The following CALN1 variants were observed in gnomAD, a reference collection of about 807,000 sequenced individuals.
CALN1 encodes calneuron 1.
Under a neutral mutation model 30.6 loss-of-function variants are expected in CALN1, and 17 were observed. The observed-to-expected ratio is 0.56, with a 90% confidence interval of 0.38 to 0.83. The LOEUF (loss-of-function observed/expected upper bound fraction) is 0.83, where lower values mean the gene tolerates loss of function less well. Among genes scored for constraint, CALN1 ranks in the 40% least tolerant of loss-of-function variants. CALN1 has a pLI of 0.00. For missense variants in CALN1, 291 were observed against 354.9 expected (o/e 0.82, Z 1.45); for synonymous variants, 156 against 131.4 (o/e 1.19, Z -1.28).
At chr7:72,361,062 G>C (rs1388406399) in intron 2 of CALN1, among the ~76,000 whole-genome samples, 2 of 151,942 alleles carry the variant, frequency 1.3e-5, no homozygotes, top group African/African-American at 2.4e-5. Context: ...TGCCTTGTTG[G>C]CATTTGTTGC....
intron 5 of CALN1, among the ~76,000 whole-genome samples, chr7:71,858,899 G>A (rs115605085): frequency 0.013 from 1,962 of 152,286 alleles, 52 homozygotes; most frequent in African/African-American, 0.044. Flanking sequence ...TGCTGAGGCT[G>A]TGTCACGGGC....
chr7:72,458,131 AAT>A, the CALN1 span, among the ~76,000 whole-genome samples: 2 of 72,952 alleles, frequency 2.7e-5, no homozygotes, highest in Non-Finnish European at 6.8e-5. Context: ...TGGTTTTATA[AAT>A]ATATATATAT....
intron 4 of CALN1, among the ~76,000 whole-genome samples, chr7:72,082,477 C>G (rs755332673): frequency 1.3e-5 from 2 of 152,192 alleles, no homozygotes; most frequent in Non-Finnish European, 2.9e-5. Flanking sequence ...GCTGAGGTCC[C>G]TCCTGCACCT....
intron 2 of CALN1, among the ~76,000 whole-genome samples, chr7:72,284,814 AGATT>A (rs1797974372): frequency 6.6e-6 from 1 of 152,138 alleles, no homozygotes; most frequent in Non-Finnish European, 1.5e-5. Context: ...TTATACAGAT[AGATT>A]AAGGATAGAT....
At chr7:71,801,944 C>G (rs1461421284) in intron 6 of CALN1, among the ~76,000 whole-genome samples, 1 of 151,854 alleles carries the variant, frequency 6.6e-6, no homozygotes, top group African/African-American at 2.4e-5. Context: ...TATCACTTCA[C>G]TCCAGCCCGG....
intron 2 of CALN1, among the ~76,000 whole-genome samples, chr7:72,387,559 T>C (rs1482924353): frequency 1.3e-5 from 2 of 152,198 alleles, no homozygotes; most frequent in East Asian, 1.9e-4. Flanking sequence ...TTTGATACAA[T>C]GTGATGAAAA....
rs1792965978 is a variant in CALN1 at position 71,786,020 on chromosome 7, T to A, written c.*1755A>T. ...GTTTTACTTGTGCTCATCAGGAATA[T>A]TCATAGTCTCCCACAGAGGGAAAGT... On this transcript the variant is annotated 3_prime_UTR_variant, in exon 7 of 7. Coordinates refer to ENST00000395275, the MANE Select transcript of CALN1 (RefSeq NM_031468.4). The A allele has an allele frequency of 6.6e-6, 1 of 152,646 alleles. No homozygotes were observed. Among genetic ancestry groups the A allele is most frequent in the Non-Finnish European group, 1.5e-5 (1 of 68,050 alleles). 9.5% of individuals were successfully genotyped at this position (152,646 alleles called of 1,614,324 possible).
intron 4 of CALN1, among the ~76,000 whole-genome samples, chr7:72,043,423 C>T (rs140756000): frequency 1.2e-4 from 18 of 152,196 alleles, no homozygotes; most frequent in African/African-American, 2.4e-4. Context: ...GAAAAAAATG[C>T]TTTTATGCAC....
intron 3 of CALN1, among the ~76,000 whole-genome samples, chr7:72,231,109 A>C (rs1173299945): frequency 6.6e-6 from 1 of 151,450 alleles, no homozygotes; most frequent in African/African-American, 2.4e-5. Flanking sequence ...CAACTGTTGC[A>C]GTACACGCTT....
rs1799759124 is a variant in CALN1 at position 72,307,908 on chromosome 7, A to T, written c.120-29098T>A. The stretch of plus-strand genomic sequence containing the variant: ...CAAAAGGCAGAGACAAAAAAAAAAA[A>T]ATGAACACAACCTAACCCAAGAGGG... On this transcript the variant is annotated intron_variant, in intron 2 of 6. Transcript: ENST00000395275. 2.6e-5 allele frequency among the ~76,000 whole-genome samples: 4 copies of T among 152,082 alleles called. No individual in the cohort carries two copies. In the South Asian group the frequency reaches 8.3e-4, roughly 32 times the overall value.
At chr7:72,299,682 CTCTTA>C (rs1228875365) in intron 2 of CALN1, among the ~76,000 whole-genome samples, 1 of 142,582 alleles carries the variant, frequency 7.0e-6, no homozygotes, top group Non-Finnish European at 1.5e-5. Flanking sequence ...TTAAAAGATG[CTCTTA>C]TCTTTTTTTT....
chr7:72,387,899 G>C (rs1028947807), intron 2 of CALN1, among the ~76,000 whole-genome samples: 1 of 152,124 alleles, frequency 6.6e-6, no homozygotes, highest in African/African-American at 2.4e-5. Context: ...TGGGGGATAG[G>C]GGTAGGGAGA....
intron 5 of CALN1, among the ~76,000 whole-genome samples, chr7:71,930,999 A>T (rs1795522114): frequency 6.6e-6 from 1 of 152,200 alleles, no homozygotes; most frequent in South Asian, 2.1e-4. Flanking sequence ...AAAGCGACAG[A>T]TTACAAATAT....
intron 4 of CALN1, among the ~76,000 whole-genome samples, chr7:72,026,415 A>G: frequency 6.6e-6 from 1 of 152,022 alleles, no homozygotes; most frequent in East Asian, 2.0e-4. Context: ...GTGAAACCCC[A>G]TCTCTACAAA....
intron 3 of CALN1, among the ~76,000 whole-genome samples, chr7:72,256,888 T>C (rs1562802728): frequency 6.6e-6 from 1 of 152,210 alleles, no homozygotes; most frequent in African/African-American, 2.4e-5. Context: ...TACTCAGCTA[T>C]TGCCAAGTAC....
At chr7:72,487,913 A>AAG in the CALN1 span, among the ~76,000 whole-genome samples, 1 of 76,186 alleles carries the variant, frequency 1.3e-5, no homozygotes, top group East Asian at 4.2e-4. Context: ...AAAGAAAGAA[A>AAG]GAAAGAAGGA....
chr7:72,284,144 T>C (rs907765907), intron 2 of CALN1, among the ~76,000 whole-genome samples: 17 of 151,876 alleles, frequency 1.1e-4, no homozygotes, highest in Admixed American at 2.6e-4. Context: ...ATTTTAAAAA[T>C]TTTAGTCAGG....
At chr7:71,962,418 T>C (rs763074595) in intron 5 of CALN1, among the ~76,000 whole-genome samples, 9 of 151,958 alleles carry the variant, frequency 5.9e-5, no homozygotes, top group Non-Finnish European at 4.4e-5. Context: ...AATTAATTAA[T>C]GTGAGCAGAA....
intron 5 of CALN1, among the ~76,000 whole-genome samples, chr7:71,974,845 A>G (rs915835145): frequency 7.9e-5 from 12 of 152,268 alleles, no homozygotes; most frequent in African/African-American, 2.6e-4. Context: ...GGACTGGTGC[A>G]ATTCCGCTCG....
Sources: allele counts gnomAD v4.1 joint callset (sites outside exome capture counted in the v4.1 genomes callset), GRCh38; gene constraint gnomAD v4.1.1; transcripts MANE v1.5; gene names NCBI Gene and HGNC (gene_info 2026-07-23, HGNC 2026-07-21).